TXLNB: variants seen among roughly 807,000 people sequenced by gnomAD.
TXLNB encodes beta-taxilin.
In TXLNB, 37 loss-of-function variants were observed where a neutral mutation model predicts 57.4. The observed-to-expected ratio is 0.64, with a 90% CI of 0.50 to 0.85. The LOEUF is 0.85. Ranked by LOEUF, TXLNB falls within the 40% of genes least tolerant of loss-of-function variation. The probability of loss-of-function intolerance (pLI) is 0.00; values close to 1 mark genes in which losing one functional copy is unlikely to be tolerated. For synonymous variants in TXLNB, 302 were observed against 309.6 expected (o/e 0.98, Z 0.26); for missense variants, 848 against 825.6 (o/e 1.03, Z -0.33).
chr6:139,226,677 A>C, the TXLNB span, among the ~76,000 whole-genome samples: 2 of 152,204 alleles, frequency 1.3e-5, no homozygotes, highest in Admixed American at 1.3e-4. Context: ...TATACGCCTG[A>C]CCAATAACTA....
Position 139,242,926 on chromosome 6 carries a change from G to C in TXLNB, c.1655C>G (p.Ser552Ter). 1 of 1,614,166 alleles carries C rather than the reference G, an allele frequency of 6.2e-7. No homozygotes were observed. Among genetic ancestry groups the C allele is most frequent in the Non-Finnish European group, 8.5e-7 (1 of 1,180,030 alleles). Reference protein sequence around the residue: ...EQPPLIPSRDSESPLPPLTPQ... With the variant: ...EQPPLIPSRD ...AGTTAGGGGAGGCAGGGGACTCTCT[G>C]AATCCCGTGAAGGGATCAGAGGGGG... Residue 552 changes from serine to a stop codon, truncating the protein, a stop_gained, in exon 10 of 10, where the codon TCA becomes TGA. Transcript: ENST00000358430. LOFTEE classifies it low-confidence loss of function (END_TRUNC).
chr6:139,185,230 A>G, the TXLNB span, among the ~76,000 whole-genome samples: 1 of 152,034 alleles, frequency 6.6e-6, no homozygotes, highest in Non-Finnish European at 1.5e-5. Flanking sequence ...ACCCACCACA[A>G]GGCTGCACAG....
intron 6 of TXLNB, among the ~76,000 whole-genome samples, chr6:139,259,176 G>A (rs567282641): frequency 7.5e-4 from 114 of 152,270 alleles, no homozygotes; most frequent in African/African-American, 2.6e-3. Context: ...GTAGCCTCCT[G>A]TCTTCTTGCT....
intron 3 of TXLNB, 116 bp from the exon 4 acceptor site, chr6:139,270,742 T>C: frequency 1.2e-6 from 1 of 854,732 alleles, no homozygotes; most frequent in Non-Finnish European, 1.8e-6. Flanking sequence ...TTTTTGCTAT[T>C]ATCTCTTCCT....
the TXLNB span, among the ~76,000 whole-genome samples, chr6:139,174,225 GA>G: frequency 6.6e-6 from 1 of 152,184 alleles, no homozygotes; most frequent in Non-Finnish European, 1.5e-5. Context: ...TCATTATCCT[GA>G]AAGGACAGCT....
At chr6:139,177,587 G>T in the TXLNB span, 1 of 152,910 alleles carries the variant, frequency 6.5e-6, no homozygotes, top group East Asian at 1.9e-4. The surrounding 1 kb of genome is among the most constrained non-coding windows in gnomAD (Gnocchi z 4.9). Context: ...CTAGTGTTCT[G>T]CAGCACACAT....
At chr6:139,233,104 C>T in the TXLNB span, among the ~76,000 whole-genome samples, 12 of 151,910 alleles carry the variant, frequency 7.9e-5, no homozygotes, top group East Asian at 7.7e-4. Context: ...ACAATGTAAA[C>T]ACTCAAATCT....
chr6:139,162,025 G>T, the TXLNB span, among the ~76,000 whole-genome samples: 4 of 152,190 alleles, frequency 2.6e-5, no homozygotes, highest in Non-Finnish European at 5.9e-5. Flanking sequence ...CTCTTGTCAT[G>T]TGTGGGTTTG....
At chr6:139,184,681 T>TTTGA in the TXLNB span, among the ~76,000 whole-genome samples, 5 of 152,252 alleles carry the variant, frequency 3.3e-5, no homozygotes, top group Admixed American at 2.0e-4. Flanking sequence ...AGCTGTCGGA[T>TTTGA]TTGATAGCAT....
At chr6:139,165,758 C>T in the TXLNB span, among the ~76,000 whole-genome samples, 1 of 151,674 alleles carries the variant, frequency 6.6e-6, no homozygotes, top group African/African-American at 2.4e-5. Context: ...CTTTCTGTCA[C>T]CATGTTTTCT....
Position 139,288,680 on chromosome 6 carries a change from C to G in TXLNB, c.220G>C (p.Ala74Pro). The G allele has an allele frequency of 6.2e-7, 1 of 1,614,208 alleles. No homozygotes were observed. The highest frequency in any genetic ancestry group is 1.7e-5 in the Admixed American group (1 of 60,026). Reference protein sequence around the residue: ...EDIINTYGSAASTAGKEGSAR... With the variant: ...EDIINTYGSAPSTAGKEGSAR... ...GAGCCCTCTTTCCCTGCTGTGCTGG[C>G]AGCAGACCCATAAGTGTTAATGATG... Residue 74 changes from alanine to proline, a missense_variant, in exon 2 of 10, where the codon GCC becomes CCC. Coordinates refer to ENST00000358430, the MANE Select transcript of TXLNB (RefSeq NM_153235.4).
chr6:139,317,274 T>TCA, the TXLNB span, among the ~76,000 whole-genome samples: 1 of 152,046 alleles, frequency 6.6e-6, no homozygotes, highest in Non-Finnish European at 1.5e-5. Flanking sequence ...ATCTTGTAAC[T>TCA]CATCATACAC....
intron 5 of TXLNB, 92 bp from the exon 6 acceptor site, chr6:139,260,529 A>G: frequency 7.4e-7 from 1 of 1,351,766 alleles, no homozygotes; most frequent in South Asian, 1.3e-5. Flanking sequence ...CACATTCCCC[A>G]GGTTTTAAGA....
At chr6:139,206,522 GC>G in the TXLNB span, among the ~76,000 whole-genome samples, 1 of 152,060 alleles carries the variant, frequency 6.6e-6, no homozygotes, top group Non-Finnish European at 1.5e-5. Context: ...CAAAAAATTA[GC>G]CAGGCGTGGT....
At chr6:139,249,830 A>T (rs780202125) in intron 7 of TXLNB, among the ~76,000 whole-genome samples, 125 of 152,168 alleles carry the variant, frequency 8.2e-4, no homozygotes, top group Non-Finnish European at 1.2e-3. Flanking sequence ...TTAGTACTGT[A>T]TGTGACAGAA....
chr6:139,323,521 G>A, the TXLNB span, among the ~76,000 whole-genome samples: 1 of 152,122 alleles, frequency 6.6e-6, no homozygotes, highest in Non-Finnish European at 1.5e-5. Context: ...CTGACCTCGT[G>A]ATCCGCCCGC....
chr6:139,305,697 T>C, the TXLNB span, among the ~76,000 whole-genome samples: 1 of 152,210 alleles, frequency 6.6e-6, no homozygotes, highest in Admixed American at 6.5e-5. Flanking sequence ...AGGTACTATG[T>C]ATAATGTTAA....
chr6:139,316,035 A>G, the TXLNB span, among the ~76,000 whole-genome samples: 78,608 of 152,052 alleles, frequency 0.52, 20,922 homozygotes, highest in South Asian at 0.64. Flanking sequence ...AAGTTTAAAT[A>G]ATAAGTAAAA....
At chr6:139,270,662 G>A (rs540568187) in intron 3 of TXLNB, 36 bp from the exon 4 acceptor site, 1 of 1,595,524 alleles carries the variant, frequency 6.3e-7, no homozygotes, top group Admixed American at 1.7e-5. Context: ...AAAGAAAATG[G>A]CAGGGATCTC....
Sources: allele counts gnomAD v4.1 joint callset (sites outside exome capture counted in the v4.1 genomes callset), GRCh38; gene constraint gnomAD v4.1.1; non-coding constraint Gnocchi (gnomAD v3.1); transcripts MANE v1.5; gene names NCBI Gene and HGNC (gene_info 2026-07-23, HGNC 2026-07-21).